OTUD7B: variants seen among roughly 807,000 people sequenced by gnomAD.
OTUD7B encodes the protein OTU domain-containing protein 7B.
Under a neutral mutation model 82.2 loss-of-function variants are expected in OTUD7B, and 34 were observed. The observed-to-expected ratio is 0.41, with a 90% CI of 0.31 to 0.55. The LOEUF (loss-of-function observed/expected upper bound fraction) is 0.55, where lower values mean the gene tolerates loss of function less well. Ranked by LOEUF, OTUD7B falls within the 20% of genes least tolerant of loss-of-function variation. The probability of loss-of-function intolerance (pLI) is 0.20; values close to 1 mark genes in which losing one functional copy is unlikely to be tolerated. For synonymous variants in OTUD7B, 398 were observed against 402.7 expected (o/e 0.99, Z 0.14); for missense variants, 944 against 1,062.1 (o/e 0.89, Z 1.55).
In OTUD7B at chr1:149,944,714, A is replaced by C; in HGVS notation, c.1675T>G (p.Trp559Gly). 6.2e-7 allele frequency: 1 copy of C among 1,613,580 alleles called. No individual in the cohort carries two copies. Among genetic ancestry groups the C allele is most frequent in the Non-Finnish European group, 8.5e-7 (1 of 1,179,948 alleles). Residue 559 changes from tryptophan (W) to glycine (G), a missense_variant, in exon 12 of 12, where the codon TGG becomes GGG. Physicochemically the swap from Trp to Gly is radical, Grantham distance 184. Around this residue, in one of 3 missense-constraint regions of OTUD7B, gnomAD observed 412 missense variants for 418.7 expected, o/e 0.98. Transcript: ENST00000581312. ...EKKKKNSLKSWKGGKEEAAGD... is the reference protein window; with the variant it reads ...EKKKKNSLKSGKGGKEEAAGD... ...GCTGCCTCCTCCTTGCCACCCTTCCAGCTCTTCAGTGAGTTTTTCTTCTTC... is the reference window on the plus strand; with the variant it reads ...GCTGCCTCCTCCTTGCCACCCTTCCCGCTCTTCAGTGAGTTTTTCTTCTTC...
At chr1:150,022,014 G>T in the OTUD7B span, among the ~76,000 whole-genome samples, 1 of 151,944 alleles carries the variant, frequency 6.6e-6, no homozygotes, top group Non-Finnish European at 1.5e-5. Context: ...CATTCTTCCT[G>T]CTTCCCAGCC....
At chr1:150,013,920 CAAAA>C (rs1207073066), upstream of OTUD7B, among the ~76,000 whole-genome samples, 1 of 54,630 alleles carries the variant, frequency 1.8e-5, no homozygotes, top group Admixed American at 2.3e-4. Flanking sequence ...GACTCTGTCT[CAAAA>C]AAAAAAAAAA....
intron 5 of OTUD7B, 71 bp downstream of exon 5, chr1:149,965,706 G>T: frequency 9.2e-7 from 1 of 1,084,166 alleles, no homozygotes; most frequent in Non-Finnish European, 1.4e-6. Flanking sequence ...TCTGGATCAA[G>T]TCCTACACAT....
the OTUD7B span, among the ~76,000 whole-genome samples, chr1:150,026,486 C>T: frequency 6.6e-6 from 1 of 152,092 alleles, no homozygotes; most frequent in African/African-American, 2.4e-5. Context: ...ATCCCACTTC[C>T]CTGATGGTAG....
the OTUD7B span, among the ~76,000 whole-genome samples, chr1:150,025,837 C>T: frequency 6.6e-6 from 1 of 152,062 alleles, no homozygotes; most frequent in African/African-American, 2.4e-5. Flanking sequence ...GAAATAAGCC[C>T]CCACATGAAT....
intron 7 of OTUD7B, among the ~76,000 whole-genome samples, chr1:149,951,852 A>G (rs1422011915): frequency 6.6e-6 from 1 of 151,850 alleles, no homozygotes; most frequent in Non-Finnish European, 1.5e-5. Flanking sequence ...ACACTCATGT[A>G]TCCATCACCC....
the OTUD7B span, among the ~76,000 whole-genome samples, chr1:150,025,432 A>AAC: frequency 0.079 from 11,544 of 146,890 alleles, 474 homozygotes; most frequent in Admixed American, 0.13. Flanking sequence ...AAGCAAACAA[A>AAC]ACACACACAC....
intron 1 of OTUD7B, among the ~76,000 whole-genome samples, chr1:150,000,303 G>A (rs1299665469): frequency 1.3e-5 from 2 of 151,860 alleles, no homozygotes; most frequent in Non-Finnish European, 2.9e-5. Context: ...AGGAAACCCT[G>A]TCTCTACTAA....
At chr1:150,037,036 T>C in the OTUD7B span, among the ~76,000 whole-genome samples, 1 of 152,200 alleles carries the variant, frequency 6.6e-6, no homozygotes, top group Non-Finnish European at 1.5e-5. Flanking sequence ...ACTACAACTG[T>C]TAATTTTTAA....
At chr1:149,960,208 CT>C (rs1553775361) in intron 6 of OTUD7B, among the ~76,000 whole-genome samples, 1 of 151,854 alleles carries the variant, frequency 6.6e-6, no homozygotes, top group East Asian at 1.9e-4. Context: ...CATAAAATTA[CT>C]TTCTATTCCT....
chr1:149,967,847 T>G (rs782764165), intron 3 of OTUD7B, among the ~76,000 whole-genome samples: 3 of 152,212 alleles, frequency 2.0e-5, no homozygotes, highest in South Asian at 4.1e-4. Flanking sequence ...ATTTAGCAAT[T>G]TGGTCATTGT....
upstream of OTUD7B, among the ~76,000 whole-genome samples, chr1:150,011,844 C>T (rs1653081542): frequency 6.6e-6 from 1 of 152,186 alleles, no homozygotes; most frequent in African/African-American, 2.4e-5. Context: ...TTTCTTTCCC[C>T]TCACTTCTTC....
chr1:150,035,416 T>A, the OTUD7B span, among the ~76,000 whole-genome samples: 1 of 151,976 alleles, frequency 6.6e-6, no homozygotes, highest in Non-Finnish European at 1.5e-5. Context: ...GAACACAGGG[T>A]TCAGGTATGG....
intron 2 of OTUD7B, among the ~76,000 whole-genome samples, chr1:149,977,098 G>A (rs1226716986): frequency 4.6e-5 from 7 of 152,058 alleles, no homozygotes; most frequent in South Asian, 2.1e-4. Context: ...TCCAGCCTGG[G>A]CAACAGAGCG....
At chr1:150,026,508 T>A in the OTUD7B span, among the ~76,000 whole-genome samples, 1 of 152,210 alleles carries the variant, frequency 6.6e-6, no homozygotes, top group African/African-American at 2.4e-5. Flanking sequence ...GATAAGTTCC[T>A]AACCCAGCTT....
chr1:150,030,137 G>A, the OTUD7B span, among the ~76,000 whole-genome samples: 1 of 152,088 alleles, frequency 6.6e-6, no homozygotes. Flanking sequence ...GTTAGAAAAC[G>A]CTTCTCTCAT....
In OTUD7B at chr1:149,968,838, G is replaced by A. The variant is rs1247549702; in HGVS notation, c.275-1317C>T. 2.0e-5 allele frequency among the ~76,000 whole-genome samples: 3 copies of A among 152,148 alleles called. No individual in the cohort carries two copies. In the East Asian group the frequency reaches 5.8e-4, roughly 29 times the overall value. The stretch of plus-strand genomic sequence containing the variant: ...GGATTCTCCTGCCTCAGCCTTCTGA[G>A]TAGCTAGGATTACAGGCACACGCCA... On this transcript the variant is annotated intron_variant, in intron 3 of 11. Transcript: ENST00000581312.
chr1:150,023,799 C>T, the OTUD7B span, among the ~76,000 whole-genome samples: 2 of 152,034 alleles, frequency 1.3e-5, no homozygotes, highest in African/African-American at 2.4e-5. Context: ...TCTTGCCACA[C>T]AAAAAAGGTA....
At chr1:150,020,134 A>G in the OTUD7B span, among the ~76,000 whole-genome samples, 1 of 152,120 alleles carries the variant, frequency 6.6e-6, no homozygotes, top group Admixed American at 6.5e-5. Context: ...TCTCAAAAAC[A>G]AAACAACACA....
Sources: allele counts gnomAD v4.1 joint callset (sites outside exome capture counted in the v4.1 genomes callset), GRCh38; gene constraint gnomAD v4.1.1; regional missense constraint gnomAD v4.1.1; transcripts MANE v1.5; gene names NCBI Gene and HGNC (gene_info 2026-07-23, HGNC 2026-07-21).